PLEKHM3: variants seen among roughly 807,000 people sequenced by gnomAD.
PLEKHM3 encodes the protein pleckstrin homology domain-containing family M member 3.
A neutral mutation model predicts 81.8 loss-of-function variants in PLEKHM3; 45 were observed. The observed-to-expected ratio is 0.55, with a 90% CI of 0.43 to 0.71. PLEKHM3 has a LOEUF of 0.71. PLEKHM3 is among the 30% of genes least tolerant of loss of function. The pLI, the probability that PLEKHM3 is intolerant of heterozygous loss-of-function variation, is 0.00. For missense variants in PLEKHM3, 788 were observed against 924.3 expected, an observed-to-expected ratio of 0.85 and a Z score of 1.91; for synonymous variants, 352 against 356.4, an observed-to-expected ratio of 0.99 and a Z score of 0.14.
intron 3 of PLEKHM3, among the ~76,000 whole-genome samples, chr2:207,953,312 C>A (rs748678350): frequency 4.6e-5 from 7 of 152,234 alleles, no homozygotes; most frequent in Admixed American, 1.3e-4. Context: ...GGAGGAAATA[C>A]ACATGCTCAA....
intron 7 of PLEKHM3, among the ~76,000 whole-genome samples, chr2:207,838,414 C>A (rs1180256930): frequency 6.6e-6 from 1 of 152,208 alleles, no homozygotes; most frequent in Non-Finnish European, 1.5e-5. Flanking sequence ...CAGCTAAATA[C>A]CTTTGACAAA....
At chr2:207,919,953 GAC>G (rs112862427) in intron 5 of PLEKHM3, among the ~76,000 whole-genome samples, 1 of 151,656 alleles carries the variant, frequency 6.6e-6, no homozygotes, top group Non-Finnish European at 1.5e-5. Flanking sequence ...TGTCAGGACA[GAC>G]ACACACACAC....
intron 7 of PLEKHM3, among the ~76,000 whole-genome samples, chr2:207,831,685 G>A (rs1056295236): frequency 4.6e-5 from 7 of 152,134 alleles, no homozygotes; most frequent in East Asian, 1.9e-4. Context: ...TGACACAGGC[G>A]CTATCCTGGA....
intron 6 of PLEKHM3, among the ~76,000 whole-genome samples, chr2:207,875,030 G>T (rs1251975365): frequency 6.6e-6 from 1 of 151,808 alleles, no homozygotes; most frequent in Admixed American, 6.6e-5. Flanking sequence ...TTTATGTGGG[G>T]TAAATATTTT....
chr2:207,929,739 A>G (rs1320319580), intron 5 of PLEKHM3, among the ~76,000 whole-genome samples: 1 of 152,094 alleles, frequency 6.6e-6, no homozygotes, highest in Non-Finnish European at 1.5e-5. Flanking sequence ...TTTCATTATT[A>G]TTTTATGAGA....
intron 6 of PLEKHM3, among the ~76,000 whole-genome samples, chr2:207,884,403 C>G (rs1394425322): frequency 6.6e-6 from 1 of 152,134 alleles, no homozygotes; most frequent in Non-Finnish European, 1.5e-5. Flanking sequence ...AAAACTATCT[C>G]TAGTCTCAGA....
At chr2:207,968,997 T>C (rs1691020553) in intron 3 of PLEKHM3, among the ~76,000 whole-genome samples, 1 of 152,228 alleles carries the variant, frequency 6.6e-6, no homozygotes, top group Non-Finnish European at 1.5e-5. Context: ...TTCACCTTAT[T>C]ACTTCTAAGT....
intron 6 of PLEKHM3, among the ~76,000 whole-genome samples, chr2:207,904,161 C>T (rs2105894603): frequency 6.6e-6 from 1 of 152,260 alleles, no homozygotes; most frequent in Non-Finnish European, 1.5e-5. Flanking sequence ...ATTCATACCT[C>T]CTCAAAGAAA....
At chr2:207,829,912 C>T (rs943285314) in intron 7 of PLEKHM3, among the ~76,000 whole-genome samples, 4 of 152,150 alleles carry the variant, frequency 2.6e-5, no homozygotes, top group African/African-American at 7.2e-5. Context: ...CTGACTTACC[C>T]CACCACCATT....
At chr2:207,956,714 TAA>T (rs1444704232) in intron 3 of PLEKHM3, among the ~76,000 whole-genome samples, 1 of 130,702 alleles carries the variant, frequency 7.7e-6, no homozygotes, top group East Asian at 2.1e-4. Context: ...CCTGGCTGAT[TAA>T]AATTTTTTTT....
intron 5 of PLEKHM3, among the ~76,000 whole-genome samples, chr2:207,928,724 G>C (rs1026808914): frequency 6.6e-6 from 1 of 152,224 alleles, no homozygotes; most frequent in South Asian, 2.1e-4. Flanking sequence ...ATTGAAGAGG[G>C]AAGAAATGTT....
At chr2:208,017,291 G>A (rs1692954581) in intron 1 of PLEKHM3, among the ~76,000 whole-genome samples, 1 of 152,216 alleles carries the variant, frequency 6.6e-6, no homozygotes, top group African/African-American at 2.4e-5. Context: ...CTCCAAAGCA[G>A]TGTACAGGAT....
At chr2:208,022,532 T>C (rs1693162401) in intron 1 of PLEKHM3, among the ~76,000 whole-genome samples, 1 of 152,184 alleles carries the variant, frequency 6.6e-6, no homozygotes, top group African/African-American at 2.4e-5. Context: ...GTGGCTTATG[T>C]CAGAGGTCCC....
chr2:207,903,568 A>G (rs1356321514), intron 6 of PLEKHM3, among the ~76,000 whole-genome samples: 4 of 152,250 alleles, frequency 2.6e-5, no homozygotes, highest in African/African-American at 9.6e-5. Flanking sequence ...AAAATTTAAA[A>G]GTAAAATCTG....
At chr2:207,961,010 C>A (rs2105997465) in intron 3 of PLEKHM3, among the ~76,000 whole-genome samples, 1 of 152,312 alleles carries the variant, frequency 6.6e-6, no homozygotes, top group South Asian at 2.1e-4. Flanking sequence ...ATAGTCAAGA[C>A]AGTTTAATCT....
At chr2:207,907,631 A>C (rs537688207) in intron 6 of PLEKHM3, among the ~76,000 whole-genome samples, 7 of 152,386 alleles carry the variant, frequency 4.6e-5, no homozygotes, top group African/African-American at 1.7e-4. Context: ...AGCACAAGTC[A>C]AGGGCTTAAC....
chr2:208,003,313 T>C (rs1692376458), intron 1 of PLEKHM3, among the ~76,000 whole-genome samples: 1 of 152,222 alleles, frequency 6.6e-6, no homozygotes, highest in Non-Finnish European at 1.5e-5. Flanking sequence ...TATATCTTTA[T>C]CAGCAGTGTG....
At chr2:207,899,748 G>C (rs1449433524) in intron 6 of PLEKHM3, among the ~76,000 whole-genome samples, 1 of 152,206 alleles carries the variant, frequency 6.6e-6, no homozygotes, top group Non-Finnish European at 1.5e-5. Flanking sequence ...GAAGCATGCA[G>C]ACAGTGTTAA....
chr2:207,985,365 T>C (rs1691681281), intron 2 of PLEKHM3, among the ~76,000 whole-genome samples: 1 of 152,036 alleles, frequency 6.6e-6, no homozygotes, highest in African/African-American at 2.4e-5. Context: ...TCTATGTCTA[T>C]ACCCTTATGA....
Sources: gnomAD v4.1 joint callset for allele counts (sites outside exome capture counted in the v4.1 genomes callset) on GRCh38, gnomAD v4.1.1 for gene constraint, MANE v1.5 for transcripts, NCBI Gene and HGNC (gene_info 2026-07-23, HGNC 2026-07-21) for gene names.